The following KDM4C variants were observed in gnomAD, a reference collection of about 807,000 sequenced individuals.
KDM4C encodes the protein lysine demethylase 4C, also known as lysine-specific demethylase 4C.
KDM4C carries 81 observed loss-of-function variants against 129.3 expected under a neutral mutation model. The ratio of observed to expected loss-of-function variants is 0.63; its 90% CI spans 0.52 to 0.75. The LOEUF is 0.75. Ranked by LOEUF, KDM4C falls within the 30% of genes least tolerant of loss-of-function variation. KDM4C has a pLI of 0.00. For missense variants in KDM4C, 1,457 were observed against 1,304.0 expected (o/e 1.12, Z -1.81); for synonymous variants, 573 against 456.1 (o/e 1.26, Z -3.26).
chr9:6,767,810 C>A (rs1372545655), intron 1 of KDM4C, among the ~76,000 whole-genome samples: 4 of 152,114 alleles, frequency 2.6e-5, no homozygotes, highest in African/African-American at 9.7e-5. Context: ...AAAATTTGGG[C>A]ACATAAAGTG....
intron 21 of KDM4C, among the ~76,000 whole-genome samples, chr9:7,172,324 C>A (rs897813141): frequency 1.3e-5 from 2 of 152,126 alleles, no homozygotes; most frequent in Non-Finnish European, 2.9e-5. Context: ...AGAAGCAGCC[C>A]CGTTACCTTT....
At chr9:7,160,701 G>C (rs1174363824) in intron 19 of KDM4C, among the ~76,000 whole-genome samples, 1 of 152,172 alleles carries the variant, frequency 6.6e-6, no homozygotes, top group Non-Finnish European at 1.5e-5. Context: ...TCCTCTGGAA[G>C]CTTCGTCCCA....
At chr9:7,107,613 AT>A (rs1159446653) in intron 18 of KDM4C, among the ~76,000 whole-genome samples, 1 of 152,222 alleles carries the variant, frequency 6.6e-6, no homozygotes, top group Admixed American at 6.5e-5. Flanking sequence ...TATACATCTT[AT>A]ATGAGGTACA....
At chr9:6,754,174 C>T (rs1245894083), upstream of KDM4C, among the ~76,000 whole-genome samples, 4 of 151,760 alleles carry the variant, frequency 2.6e-5, no homozygotes, top group Non-Finnish European at 5.9e-5. Flanking sequence ...CCGAGCCCAG[C>T]CTCATTCAAT....
At chr9:7,088,037 G>C (rs369328840) in intron 17 of KDM4C, among the ~76,000 whole-genome samples, 1 of 152,236 alleles carries the variant, frequency 6.6e-6, no homozygotes, top group Non-Finnish European at 1.5e-5. Flanking sequence ...CTCCCACTTA[G>C]ATCTATGAAT....
rs1411201859 is a variant in KDM4C, at chr9:6,949,222, C to T, written c.922-31703C>T. On this transcript the variant is annotated intron_variant, in intron 8 of 21. Coordinates refer to ENST00000381309, the MANE Select transcript of KDM4C (RefSeq NM_015061.6). ...TCACTTCTCAGACGGGGCGGCCGGGCAGAGACGCTCCTCACCTCCCAGACG... is the reference window on the plus strand; with the variant it reads ...TCACTTCTCAGACGGGGCGGCCGGGTAGAGACGCTCCTCACCTCCCAGACG... Among the ~76,000 whole-genome samples the T allele has an allele frequency of 7.5e-4, 108 of 143,382 alleles. 1 individual carries two copies. The highest frequency in any genetic ancestry group is 1.4e-3 in the Non-Finnish European group (95 of 66,328). 94.1% of individuals were successfully genotyped at this position (143,382 alleles called of 152,430 possible).
chr9:6,834,754 G>A, intron 4 of KDM4C: 1 of 1,091,094 alleles, frequency 9.2e-7, no homozygotes, highest in Non-Finnish European at 1.4e-6. Context: ...TTCCCGAGGA[G>A]CATCCCATGC....
intron 4 of KDM4C, among the ~76,000 whole-genome samples, chr9:6,843,017 C>T (rs1013353423): frequency 6.6e-6 from 1 of 152,180 alleles, no homozygotes; most frequent in Non-Finnish European, 1.5e-5. Flanking sequence ...GTAACTTCCA[C>T]CGCCAGGGTT....
intron 18 of KDM4C, among the ~76,000 whole-genome samples, chr9:7,109,254 A>G (rs1020318352): frequency 2.0e-5 from 3 of 152,222 alleles, no homozygotes; most frequent in Non-Finnish European, 2.9e-5. Flanking sequence ...CTGATTATCC[A>G]TGCTTCTCAT....
chr9:7,080,536 A>T (rs886843778), intron 17 of KDM4C, among the ~76,000 whole-genome samples: 33 of 152,234 alleles, frequency 2.2e-4, no homozygotes, highest in African/African-American at 7.7e-4. Context: ...AATACAATTT[A>T]TTTGAATTGC....
intron 9 of KDM4C, among the ~76,000 whole-genome samples, chr9:6,983,613 C>CACACACACACA (rs1554679077): frequency 1.5e-4 from 22 of 146,478 alleles, no homozygotes; most frequent in Non-Finnish European, 2.3e-4. Flanking sequence ...CACACACACA[C>CACACACACACA]CAGTTAGCCT....
At chr9:6,889,411 G>T (rs1016331885) in intron 7 of KDM4C, among the ~76,000 whole-genome samples, 150 of 152,108 alleles carry the variant, frequency 9.9e-4, no homozygotes, top group African/African-American at 3.5e-3. Flanking sequence ...TGGTTTACTC[G>T]CACGTTTTTA....
At chr9:6,842,793 T>C (rs1837204759) in intron 4 of KDM4C, among the ~76,000 whole-genome samples, 1 of 151,678 alleles carries the variant, frequency 6.6e-6, no homozygotes, top group Non-Finnish European at 1.5e-5. Flanking sequence ...TCACCCCCAA[T>C]ACCCACGTTT....
intron 12 of KDM4C, among the ~76,000 whole-genome samples, chr9:7,006,919 T>TA (rs1029760982): frequency 6.6e-6 from 1 of 152,230 alleles, no homozygotes; most frequent in African/African-American, 2.4e-5. Flanking sequence ...AGTTCGTTTA[T>TA]AAAATGAAAC....
intron 5 of KDM4C, among the ~76,000 whole-genome samples, chr9:6,852,284 C>G (rs1838987993): frequency 6.6e-6 from 1 of 152,140 alleles, no homozygotes; most frequent in South Asian, 2.1e-4. Flanking sequence ...TATTTGGAGG[C>G]AGGCGGTTTG....
chr9:7,046,511 G>A (rs1829418877), intron 15 of KDM4C, among the ~76,000 whole-genome samples: 1 of 151,972 alleles, frequency 6.6e-6, no homozygotes, highest in Admixed American at 6.6e-5. Flanking sequence ...TGCATTCTCT[G>A]CTCTAGAATT....
At chr9:6,754,632 T>G (rs1044820447), upstream of KDM4C, among the ~76,000 whole-genome samples, 2 of 152,138 alleles carry the variant, frequency 1.3e-5, no homozygotes, top group Admixed American at 1.3e-4. Context: ...CTCACCACTT[T>G]GGGAGGCTGA....
chr9:7,047,726 A>G (rs1587233919), intron 16 of KDM4C, among the ~76,000 whole-genome samples: 1 of 152,064 alleles, frequency 6.6e-6, no homozygotes, highest in Admixed American at 6.6e-5. Context: ...AGATTTTTAC[A>G]TAAAAATCCA....
intron 17 of KDM4C, 42 bp downstream of exon 17, chr9:7,049,242 A>G: frequency 9.2e-7 from 1 of 1,088,940 alleles, no homozygotes; most frequent in Non-Finnish European, 1.4e-6. Context: ...AATTAGTGTT[A>G]ATTTCAAGTT....
Sources: allele counts gnomAD v4.1 joint callset (sites outside exome capture counted in the v4.1 genomes callset), GRCh38; gene constraint gnomAD v4.1.1; transcripts MANE v1.5; gene names NCBI Gene and HGNC (gene_info 2026-07-23, HGNC 2026-07-21).